The following EBF2 variants were observed in gnomAD, a reference collection of about 807,000 sequenced individuals.
EBF2 encodes transcription factor COE2.
Under a neutral mutation model 72.8 loss-of-function variants are expected in EBF2, and 21 were observed. The ratio of observed to expected loss-of-function variants is 0.29; its 90% CI spans 0.20 to 0.42. EBF2 has a LOEUF of 0.42. EBF2 is among the 10% of genes least tolerant of loss of function. The probability of loss-of-function intolerance (pLI) is 1.00; values close to 1 mark genes in which losing one functional copy is unlikely to be tolerated. For missense variants in EBF2, 637 were observed against 731.2 expected (o/e 0.87, Z 1.49); for synonymous variants, 299 against 274.2 (o/e 1.09, Z -0.89).
chr8:25,854,366 C>T (rs1430866319), intron 14 of EBF2, among the ~76,000 whole-genome samples: 1 of 152,120 alleles, frequency 6.6e-6, no homozygotes, highest in Admixed American at 6.6e-5. Context: ...TGACCTGGGT[C>T]TGCATCACTG....
chr8:25,924,457 G>A (rs1193677683), intron 6 of EBF2, among the ~76,000 whole-genome samples: 1 of 152,172 alleles, frequency 6.6e-6, no homozygotes, highest in African/African-American at 2.4e-5. Context: ...AGGAGGGCGC[G>A]ATGGATGGTA....
Position 25,841,740 on chromosome 8 carries a change from A to T in EBF2, c.*2869T>A, listed in dbSNP as rs1197591562. 2 of 152,168 alleles carry T rather than the reference A, an allele frequency of 1.3e-5. No individual in the cohort carries two copies. The highest frequency in any genetic ancestry group is 2.9e-5 in the Non-Finnish European group (2 of 68,030). 9.4% of individuals were successfully genotyped at this position (152,168 alleles called of 1,614,324 possible). On this transcript the variant is annotated 3_prime_UTR_variant, in exon 16 of 16. Coordinates refer to ENST00000520164, the MANE Select transcript of EBF2 (RefSeq NM_022659.4). ...GGTCCACTCATTTTTACAGTACAAAAATTTTATTTTTTTGTTAGGATAATT... is the reference window on the plus strand; with the variant it reads ...GGTCCACTCATTTTTACAGTACAAATATTTTATTTTTTTGTTAGGATAATT...
intron 6 of EBF2, among the ~76,000 whole-genome samples, chr8:26,014,377 T>G (rs922107274): frequency 6.6e-6 from 1 of 152,252 alleles, no homozygotes; most frequent in South Asian, 2.1e-4. Context: ...AGTATTAGTA[T>G]TAGTATTATT....
chr8:26,024,840 GTAT>G (rs1805274216), intron 6 of EBF2, among the ~76,000 whole-genome samples: 1 of 152,060 alleles, frequency 6.6e-6, no homozygotes, highest in South Asian at 2.1e-4. Flanking sequence ...AAGGGGAGAG[GTAT>G]TATTAACACC....
At chr8:25,905,058 A>G (rs888262483) in intron 7 of EBF2, among the ~76,000 whole-genome samples, 1 of 152,216 alleles carries the variant, frequency 6.6e-6, no homozygotes, top group Admixed American at 6.5e-5. Context: ...ACTTCCTCAA[A>G]GAAGATATAC....
At chr8:26,034,234 G>A (rs184877499) in intron 5 of EBF2, among the ~76,000 whole-genome samples, 2 of 152,220 alleles carry the variant, frequency 1.3e-5, no homozygotes, top group African/African-American at 2.4e-5. Flanking sequence ...CAGAACTATG[G>A]TATACATTTT....
At chr8:25,972,243 G>C (rs887816175) in intron 6 of EBF2, among the ~76,000 whole-genome samples, 1 of 152,102 alleles carries the variant, frequency 6.6e-6, no homozygotes. Context: ...CCCCTCCTTC[G>C]TAGACCCCGA....
intron 6 of EBF2, among the ~76,000 whole-genome samples, chr8:25,943,854 T>C (rs900113114): frequency 6.6e-6 from 1 of 152,114 alleles, no homozygotes; most frequent in African/African-American, 2.4e-5. Flanking sequence ...TTGTTGGAAA[T>C]ACATAGAGCC....
intron 6 of EBF2, among the ~76,000 whole-genome samples, chr8:25,929,744 A>C (rs182330049): frequency 6.6e-6 from 1 of 152,148 alleles, no homozygotes; most frequent in Non-Finnish European, 1.5e-5. Context: ...ATCCTGGTTG[A>C]GTCTTCACAG....
intron 6 of EBF2, among the ~76,000 whole-genome samples, chr8:26,007,205 A>G (rs968802834): frequency 1.2e-4 from 19 of 152,118 alleles, no homozygotes; most frequent in African/African-American, 2.4e-5. Flanking sequence ...GTTTTAAATT[A>G]TTGGATCAAC....
chr8:26,041,350 C>A lies in EBF2; in HGVS notation c.289-348G>T, dbSNP rs1171622688. 2.7e-5 allele frequency: 8 copies of A among 298,960 alleles called. No individual in the cohort carries two copies. In the Admixed American group the frequency reaches 3.2e-4, roughly 12 times the overall value. The allele number at this position is 298,960 out of a possible 1,614,324, so 18.5% of individuals were successfully genotyped here. ...GGCTCTGTCTGTCCTTAGGAAGCCC[C>A]AAGGCTTCCCTTGGCAGAAAAGTGA... On this transcript the variant is annotated intron_variant, in intron 2 of 15. Coordinates refer to ENST00000520164, the MANE Select transcript of EBF2 (RefSeq NM_022659.4).
At chr8:25,949,254 C>T (rs1046707837) in intron 6 of EBF2, among the ~76,000 whole-genome samples, 17 of 152,164 alleles carry the variant, frequency 1.1e-4, no homozygotes, top group African/African-American at 4.1e-4. Context: ...AGCTACAATT[C>T]GAGCCAGGCA....
At chr8:25,889,487 G>A (rs1414850393) in intron 8 of EBF2, among the ~76,000 whole-genome samples, 1 of 152,144 alleles carries the variant, frequency 6.6e-6, no homozygotes, top group Non-Finnish European at 1.5e-5. Context: ...ATGTTTGCCT[G>A]AAATGCCCGT....
intron 6 of EBF2, among the ~76,000 whole-genome samples, chr8:26,029,639 A>T (rs1406315094): frequency 6.6e-6 from 1 of 152,180 alleles, no homozygotes; most frequent in Non-Finnish European, 1.5e-5. Context: ...AAACGCAAAG[A>T]CAGACAGTGT....
chr8:26,042,550 C>T (rs1017445419), intron 1 of EBF2, among the ~76,000 whole-genome samples: 5 of 151,764 alleles, frequency 3.3e-5, no homozygotes, highest in Non-Finnish European at 5.9e-5. Context: ...CGAAAGACCC[C>T]GGCTGCAGAC....
intron 13 of EBF2, 59 bp downstream of exon 13, chr8:25,860,990 C>T: frequency 1.2e-6 from 2 of 1,605,240 alleles, no homozygotes; most frequent in East Asian, 2.2e-5. Flanking sequence ...ACTCTGTCCA[C>T]TCCAGCAGAA....
chr8:25,857,327 C>T (rs1802113705), intron 14 of EBF2, among the ~76,000 whole-genome samples: 1 of 151,996 alleles, frequency 6.6e-6, no homozygotes, highest in South Asian at 2.1e-4. Context: ...CCCCAGGGAA[C>T]CAAAAGTCCA....
At chr8:26,002,848 AGGCAGGCG>A (rs879832077) in intron 6 of EBF2, among the ~76,000 whole-genome samples, 23,885 of 123,418 alleles carry the variant, frequency 0.19, 2,639 homozygotes, top group Middle Eastern at 0.37. Context: ...GCAGGCAGGC[AGGCAGGCG>A]GGCAGGCGGG....
chr8:25,981,237 G>A (rs996253163), intron 6 of EBF2, among the ~76,000 whole-genome samples: 1 of 151,902 alleles, frequency 6.6e-6, no homozygotes, highest in Non-Finnish European at 1.5e-5. Context: ...TCATCTCCTT[G>A]CTTCTAACTT....
Sources: allele counts gnomAD v4.1 joint callset (sites outside exome capture counted in the v4.1 genomes callset), GRCh38; gene constraint gnomAD v4.1.1; transcripts MANE v1.5; gene names NCBI Gene and HGNC (gene_info 2026-07-23, HGNC 2026-07-21).